Variants in CLVS1 observed in about 807,000 individuals in gnomAD.
CLVS1 encodes the protein clavesin-1.
In CLVS1, 10 loss-of-function variants were observed where a neutral mutation model predicts 33.1. The ratio of observed to expected loss-of-function variants is 0.30; its 90% CI spans 0.19 to 0.51. CLVS1 has a LOEUF of 0.51. Among genes scored for constraint, CLVS1 ranks in the 20% least tolerant of loss-of-function variants. The probability of loss-of-function intolerance (pLI) is 0.97; values close to 1 mark genes in which losing one functional copy is unlikely to be tolerated. For synonymous variants in CLVS1, 163 were observed against 166.1 expected (o/e 0.98, Z 0.14); for missense variants, 343 against 433.4 (o/e 0.79, Z 1.85).
chr8:60,987,828 G>A, the CLVS1 span, among the ~76,000 whole-genome samples: 1 of 152,158 alleles, frequency 6.6e-6, no homozygotes, highest in Non-Finnish European at 1.5e-5. Flanking sequence ...GCTACTCAGA[G>A]GCTGAGGCAG....
chr8:61,492,100 G>T (rs1190043670), intron 5 of CLVS1, among the ~76,000 whole-genome samples: 1 of 152,108 alleles, frequency 6.6e-6, no homozygotes, highest in Non-Finnish European at 1.5e-5. Flanking sequence ...TCTAAGTAAG[G>T]ATTACTAGAT....
intron 2 of CLVS1, among the ~76,000 whole-genome samples, chr8:61,161,212 G>T (rs1806743559): frequency 6.8e-6 from 1 of 148,138 alleles, no homozygotes; most frequent in Admixed American, 6.8e-5. Context: ...GTGAACCCTT[G>T]TACACAGTTG....
chr8:61,292,082 A>C (rs1168361369), intron 1 of CLVS1: 1 of 289,318 alleles, frequency 3.5e-6, no homozygotes, highest in Non-Finnish European at 6.9e-6. Context: ...CTGCTGATGC[A>C]TGGACCACCC....
the CLVS1 span, among the ~76,000 whole-genome samples, chr8:61,028,327 A>G: frequency 6.6e-6 from 1 of 152,226 alleles, no homozygotes; most frequent in Non-Finnish European, 1.5e-5. Context: ...ATTGATTGTT[A>G]ACATTTCACT....
the CLVS1 span, among the ~76,000 whole-genome samples, chr8:60,973,350 T>G: frequency 6.6e-6 from 1 of 152,252 alleles, no homozygotes. Context: ...ATTTCAGAGA[T>G]AAACATTTGC....
At chr8:61,089,198 A>G (rs142971468) in intron 1 of CLVS1, among the ~76,000 whole-genome samples, 1 of 152,248 alleles carries the variant, frequency 6.6e-6, no homozygotes, top group African/African-American at 2.4e-5. Flanking sequence ...CCTATTTTTC[A>G]TTGCTCTAAA....
intron 3 of CLVS1, among the ~76,000 whole-genome samples, chr8:61,428,575 G>A (rs918839062): frequency 5.3e-5 from 8 of 152,194 alleles, no homozygotes; most frequent in African/African-American, 1.9e-4. Flanking sequence ...GAGGGCATGT[G>A]GCTAGGATAG....
At chr8:61,465,861 A>G (rs903681741) in intron 5 of CLVS1, 3 of 152,130 alleles carry the variant, frequency 2.0e-5, no homozygotes, top group Non-Finnish European at 2.9e-5. Flanking sequence ...ACAGGGTTTC[A>G]CCATGTTGAC....
At chr8:61,029,388 C>T in the CLVS1 span, among the ~76,000 whole-genome samples, 239 of 152,184 alleles carry the variant, frequency 1.6e-3, 1 homozygote, top group African/African-American at 3.7e-3. Context: ...CAGAGGGAGG[C>T]GGGGCAGAGA....
intron 1 of CLVS1, among the ~76,000 whole-genome samples, chr8:61,107,089 C>T (rs907647624): frequency 1.3e-5 from 2 of 152,176 alleles, no homozygotes; most frequent in African/African-American, 2.4e-5. Flanking sequence ...TTAGACACTT[C>T]CATTCATTTT....
intron 5 of CLVS1, among the ~76,000 whole-genome samples, chr8:61,474,771 A>C (rs139978048): frequency 7.2e-5 from 11 of 152,202 alleles, no homozygotes; most frequent in African/African-American, 2.2e-4. Flanking sequence ...CGAGGACTCT[A>C]TTTTCCCAGT....
intron 3 of CLVS1, among the ~76,000 whole-genome samples, chr8:61,434,873 A>C (rs143518081): frequency 2.4e-4 from 36 of 152,318 alleles, no homozygotes; most frequent in African/African-American, 7.2e-4. Flanking sequence ...ACAAAGAGGG[A>C]AGGGGATTCT....
intron 2 of CLVS1, among the ~76,000 whole-genome samples, chr8:61,355,322 T>G (rs1812647590): frequency 6.6e-6 from 1 of 152,112 alleles, no homozygotes; most frequent in Admixed American, 6.6e-5. Context: ...TATAAAATTT[T>G]TATTTGTCAA....
At chr8:61,394,673 C>G (rs998824126) in intron 3 of CLVS1, among the ~76,000 whole-genome samples, 10 of 152,170 alleles carry the variant, frequency 6.6e-5, no homozygotes, top group African/African-American at 2.2e-4. Flanking sequence ...AGTTTCACTC[C>G]TTCCATACCT....
intron 2 of CLVS1, among the ~76,000 whole-genome samples, chr8:61,175,947 A>G (rs891671017): frequency 4.6e-5 from 7 of 152,230 alleles, no homozygotes; most frequent in Non-Finnish European, 8.8e-5. Context: ...TAAGGGGGCA[A>G]GAAGTTGTTG....
intron 2 of CLVS1, among the ~76,000 whole-genome samples, chr8:61,261,465 A>G (rs1459160092): frequency 6.6e-6 from 1 of 152,164 alleles, no homozygotes; most frequent in East Asian, 1.9e-4. Context: ...CAAATCCAGA[A>G]AGACACAAAG....
At chr8:61,243,526 G>A (rs562871664) in intron 2 of CLVS1, among the ~76,000 whole-genome samples, 54 of 152,258 alleles carry the variant, frequency 3.5e-4, no homozygotes, top group African/African-American at 1.2e-3. Flanking sequence ...CACTGTCACC[G>A]TGACTGTGAC....
intron 2 of CLVS1, chr8:61,273,837 G>A (rs768721491): frequency 1.4e-4 from 21 of 154,126 alleles, no homozygotes; most frequent in East Asian, 1.9e-4. Flanking sequence ...GCAATGCCTC[G>A]CCCTGCTTCG....
At chr8:61,303,088 C>G (rs1224824745) in intron 2 of CLVS1, among the ~76,000 whole-genome samples, 1 of 152,162 alleles carries the variant, frequency 6.6e-6, no homozygotes, top group Non-Finnish European at 1.5e-5. Context: ...CAAACCATAT[C>G]AATAATTGTG....
Sources: gnomAD v4.1 joint callset for allele counts (sites outside exome capture counted in the v4.1 genomes callset) on GRCh38, gnomAD v4.1.1 for gene constraint, MANE v1.5 for transcripts, NCBI Gene and HGNC (gene_info 2026-07-23, HGNC 2026-07-21) for gene names.